Variants in CDH18 observed in about 807,000 individuals in gnomAD.
CDH18 encodes cadherin 18.
Under a neutral mutation model 67.9 loss-of-function variants are expected in CDH18, and 31 were observed. The ratio of observed to expected loss-of-function variants is 0.46; its 90% CI spans 0.34 to 0.62. The LOEUF (loss-of-function observed/expected upper bound fraction) is 0.62. Among genes scored for constraint, CDH18 ranks in the 20% least tolerant of loss-of-function variants. The pLI is 0.01. For synonymous variants in CDH18, 362 were observed against 347.2 expected (o/e 1.04, Z -0.48); for missense variants, 890 against 975.5 (o/e 0.91, Z 1.17).
chr5:20,492,290 GT>G (rs1464327981), intron 1 of CDH18, among the ~76,000 whole-genome samples: 2 of 151,668 alleles, frequency 1.3e-5, no homozygotes, highest in Non-Finnish European at 2.9e-5. Context: ...AATTTCTTTG[GT>G]TTTCAGCATC....
intron 2 of CDH18, among the ~76,000 whole-genome samples, chr5:20,194,191 A>C (rs1738773889): frequency 6.6e-6 from 1 of 152,118 alleles, no homozygotes; most frequent in Non-Finnish European, 1.5e-5. Flanking sequence ...CTTTTTACAG[A>C]TGACATAATT....
chr5:20,476,429 T>A (rs1008118541), intron 1 of CDH18, among the ~76,000 whole-genome samples: 1 of 152,156 alleles, frequency 6.6e-6, no homozygotes, highest in Admixed American at 6.5e-5. Flanking sequence ...AAGACTTTTT[T>A]TGAATAATTG....
At chr5:20,272,026 A>C (rs1250942763) in intron 1 of CDH18, among the ~76,000 whole-genome samples, 1 of 152,030 alleles carries the variant, frequency 6.6e-6, no homozygotes, top group Non-Finnish European at 1.5e-5. Flanking sequence ...TAAAGAATTA[A>C]GGAAAACTAA....
chr5:19,698,866 A>G (rs1762863619), intron 5 of CDH18, among the ~76,000 whole-genome samples: 6 of 152,090 alleles, frequency 3.9e-5, no homozygotes, highest in Admixed American at 2.6e-4. Context: ...TCAAAGTTTG[A>G]GTAGCAACTG....
intron 4 of CDH18, among the ~76,000 whole-genome samples, chr5:19,744,223 G>C (rs574230160): frequency 1.3e-5 from 2 of 152,186 alleles, no homozygotes; most frequent in Middle Eastern, 3.4e-3. Flanking sequence ...GTAGTACAGA[G>C]AGTTGAAACT....
chr5:20,422,843 G>C (rs527657291), intron 1 of CDH18, among the ~76,000 whole-genome samples: 1 of 151,088 alleles, frequency 6.6e-6, no homozygotes, highest in Non-Finnish European at 1.5e-5. Context: ...CACTTATAAA[G>C]CTCATAATCA....
At chr5:19,694,102 A>G (rs1164173658) in intron 5 of CDH18, among the ~76,000 whole-genome samples, 1 of 152,150 alleles carries the variant, frequency 6.6e-6, no homozygotes, top group Non-Finnish European at 1.5e-5. Flanking sequence ...CACAAACAGA[A>G]ACTCAGCCTC....
intron 8 of CDH18, among the ~76,000 whole-genome samples, chr5:19,566,377 T>C (rs1740401391): frequency 6.6e-6 from 1 of 152,206 alleles, no homozygotes; most frequent in Non-Finnish European, 1.5e-5. Flanking sequence ...GCTATGTTTA[T>C]ATGAAAAAGA....
chr5:20,457,081 T>C (rs1750886069), intron 1 of CDH18, among the ~76,000 whole-genome samples: 3 of 152,172 alleles, frequency 2.0e-5, no homozygotes, highest in Admixed American at 2.0e-4. Context: ...TACTTTTACG[T>C]GCAAGCAGAT....
chr5:19,591,102 G>T lies in CDH18; in HGVS notation c.954C>A (p.Ile318=). 2 of 1,610,248 alleles carry T rather than the reference G, an allele frequency of 1.2e-6. No individual in the cohort carries two copies. The highest frequency in any genetic ancestry group is 1.7e-6 in the Non-Finnish European group (2 of 1,177,730). The change falls in exon 7 of 13, where the codon ATC becomes ATA. Residue 318 remains isoleucine, a synonymous_variant. Transcript: ENST00000382275. ...INGDGMGIFS[I]STDKETREGI... ...CTTCTCTGGTCTCTTTGTCAGTGGA[G>T]ATTGAGAATATTCCCATGCCATCAC...
At chr5:20,527,699 CA>C (rs1042110515) in intron 1 of CDH18, among the ~76,000 whole-genome samples, 7 of 152,052 alleles carry the variant, frequency 4.6e-5, no homozygotes, top group Non-Finnish European at 8.8e-5. Flanking sequence ...CCTTTTCACA[CA>C]AGCAAAACCT....
At chr5:20,472,074 T>C (rs137955758) in intron 1 of CDH18, among the ~76,000 whole-genome samples, 10 of 48,196 alleles carry the variant, frequency 2.1e-4, no homozygotes, top group African/African-American at 7.5e-4. Flanking sequence ...TGTGCATATT[T>C]TCTAACGAAT....
chr5:20,199,994 C>A (rs982630244), intron 2 of CDH18, among the ~76,000 whole-genome samples: 6 of 152,152 alleles, frequency 3.9e-5, no homozygotes, highest in Non-Finnish European at 7.3e-5. Flanking sequence ...TCAAGTAAAA[C>A]TCTTTCCTTT....
intron 1 of CDH18, among the ~76,000 whole-genome samples, chr5:20,486,232 G>T (rs114855763): frequency 5.1e-4 from 78 of 152,122 alleles, no homozygotes; most frequent in Non-Finnish European, 7.8e-4. Context: ...TCATTAAGTC[G>T]AAAATATTGA....
chr5:19,823,586 G>A (rs938366533), intron 3 of CDH18, among the ~76,000 whole-genome samples: 1 of 152,080 alleles, frequency 6.6e-6, no homozygotes, highest in Non-Finnish European at 1.5e-5. Flanking sequence ...TATAAAACAA[G>A]TACTTCTAGA....
intron 2 of CDH18, among the ~76,000 whole-genome samples, chr5:20,034,529 T>A (rs2150458552): frequency 6.6e-6 from 1 of 152,200 alleles, no homozygotes; most frequent in African/African-American, 2.4e-5. Flanking sequence ...ATCAGTGGAC[T>A]GTGTAAAGCA....
At chr5:19,736,366 G>A (rs545122103) in intron 4 of CDH18, among the ~76,000 whole-genome samples, 1 of 152,096 alleles carries the variant, frequency 6.6e-6, no homozygotes, top group African/African-American at 2.4e-5. Context: ...CTAGCCTGGG[G>A]GACTGTCTCA....
chr5:20,305,887 G>T, intron 1 of CDH18: 1 of 176,810 alleles, frequency 5.7e-6, no homozygotes, highest in South Asian at 1.5e-4. Flanking sequence ...CTTGTATACA[G>T]GTACCTATAT....
At chr5:19,861,327 G>C (rs1374920371) in intron 2 of CDH18, among the ~76,000 whole-genome samples, 1 of 152,000 alleles carries the variant, frequency 6.6e-6, no homozygotes. Flanking sequence ...ACCAGGCTGA[G>C]GACAGGAACA....
Sources: allele counts gnomAD v4.1 joint callset (sites outside exome capture counted in the v4.1 genomes callset), GRCh38; gene constraint gnomAD v4.1.1; transcripts MANE v1.5; gene names NCBI Gene and HGNC (gene_info 2026-07-23, HGNC 2026-07-21).